Variants in C17orf67 observed in about 807,000 individuals in gnomAD.
C17orf67 encodes uncharacterized protein C17orf67.
Under a neutral mutation model 11.2 loss-of-function variants are expected in C17orf67, and 12 were observed. That is an observed-to-expected ratio of 1.07 (90% confidence interval 0.68 to 1.73). C17orf67 has a LOEUF of 1.73. C17orf67 is among the 40% of genes most tolerant of loss of function. The pLI, the probability that C17orf67 is intolerant of heterozygous loss-of-function variation, is 0.00. For synonymous variants in C17orf67, 59 were observed against 46.9 expected (o/e 1.26, Z -1.05); for missense variants, 115 against 113.5 (o/e 1.01, Z -0.06).
intron 6 of C17orf67, among the ~76,000 whole-genome samples, chr17:56,803,567 G>A (rs1247523233): frequency 6.6e-6 from 1 of 152,208 alleles, no homozygotes; most frequent in Non-Finnish European, 1.5e-5. Context: ...TTGGCACACA[G>A]TAGGACCACA....
In C17orf67 at chr17:56,833,231, GTTC is replaced by G. The variant is rs1906291450; in HGVS notation, c.-893_-891del. On this transcript the variant is annotated 5_prime_UTR_variant, in exon 2 of 8. Coordinates refer to ENST00000397861, the MANE Select transcript of C17orf67 (RefSeq NM_001085430.4). ...TGAGCAGCGGTGCTTCCGCGTCCGC[GTTC>G]TCCGGGTAGCTGATGTGCTGCAGGC... 2.0e-5 allele frequency: 3 copies of G among 153,764 alleles called. No individual in the cohort carries two copies. In the Admixed American group the frequency reaches 2.0e-4, roughly 10 times the overall value. 9.5% of individuals were successfully genotyped at this position (153,764 alleles called of 1,614,324 possible).
At chr17:56,811,121 T>C (rs1905613932) in intron 6 of C17orf67, among the ~76,000 whole-genome samples, 1 of 152,174 alleles carries the variant, frequency 6.6e-6, no homozygotes, top group African/African-American at 2.4e-5. Flanking sequence ...CTGGCTCTTC[T>C]GTCACATTGC....
intron 6 of C17orf67, among the ~76,000 whole-genome samples, chr17:56,798,430 C>A (rs1317860951): frequency 6.6e-6 from 1 of 152,174 alleles, no homozygotes; most frequent in Non-Finnish European, 1.5e-5. Context: ...CCACTACCAA[C>A]ATCCCCCACC....
chr17:56,815,687 T>C, intron 5 of C17orf67, 69 bp downstream of exon 5: 2 of 1,316,442 alleles, frequency 1.5e-6, no homozygotes, highest in Non-Finnish European at 2.0e-6. Context: ...ATTAAAAAAT[T>C]AAATATCAAA....
chr17:56,827,069 T>C (rs1427857287), intron 2 of C17orf67, among the ~76,000 whole-genome samples: 1 of 152,254 alleles, frequency 6.6e-6, no homozygotes, highest in Non-Finnish European at 1.5e-5. Context: ...AGGTTATCAT[T>C]TATCAATTTT....
At chr17:56,805,945 A>G (rs1489624968) in intron 6 of C17orf67, among the ~76,000 whole-genome samples, 2 of 150,346 alleles carry the variant, frequency 1.3e-5, no homozygotes, top group Non-Finnish European at 1.5e-5. Context: ...CTTTGGGGAG[A>G]AGGGACAGGA....
Position 56,801,965 on chromosome 17 carries a change from G to C in C17orf67, c.157-6785C>G, listed in dbSNP as rs1375333334. Among the ~76,000 whole-genome samples, 6 of 152,246 alleles carry C rather than the reference G, an allele frequency of 3.9e-5. No homozygotes were observed. In the East Asian group the frequency reaches 1.2e-3, roughly 29 times the overall value. On this transcript the variant is annotated intron_variant, in intron 6 of 7. Coordinates refer to ENST00000397861, the MANE Select transcript of C17orf67 (RefSeq NM_001085430.4). ...AGAGTCTGAGTCTCCTTCAAACCTG[G>C]ACCCTGTCATTATTGCTTTACCTCT... is the stretch of plus-strand genomic sequence containing the variant.
intron 6 of C17orf67, among the ~76,000 whole-genome samples, chr17:56,797,115 T>C (rs1905228568): frequency 6.6e-6 from 1 of 152,154 alleles, no homozygotes; most frequent in Admixed American, 6.5e-5. Context: ...CCTTTGTTAA[T>C]CTCTATGCTT....
At chr17:56,805,814 T>TTA (rs940672336) in intron 6 of C17orf67, among the ~76,000 whole-genome samples, 3 of 152,000 alleles carry the variant, frequency 2.0e-5, no homozygotes, top group African/African-American at 7.2e-5. Flanking sequence ...TACAAATAGA[T>TTA]TATAATAATA....
intron 6 of C17orf67, among the ~76,000 whole-genome samples, chr17:56,806,638 C>G (rs934430100): frequency 5.3e-5 from 8 of 152,196 alleles, no homozygotes; most frequent in Non-Finnish European, 1.2e-4. Context: ...GATCTCCCAC[C>G]TCAGCCTCTC....
intron 2 of C17orf67, among the ~76,000 whole-genome samples, 158 bp downstream of exon 2, chr17:56,832,740 T>A (rs1024907224): frequency 1.3e-5 from 2 of 152,220 alleles, no homozygotes; most frequent in Non-Finnish European, 2.9e-5. Context: ...TTCAGTTCCG[T>A]TCACGAGGTA....
In C17orf67 at chr17:56,824,865, A is replaced by T. The variant is rs1006281966; in HGVS notation, c.-315-12T>A. On this transcript the variant is annotated splice_polypyrimidine_tract_variant and intron_variant, in intron 3 of 7. Transcript: ENST00000397861. ...ATACCCTTAGGCATCTATAAAGAAA[A>T]GCAAAGAAATGAAGGCCACAAAAGT... is the stretch of plus-strand genomic sequence containing the variant. 2 of 152,252 alleles carry T rather than the reference A, an allele frequency of 1.3e-5. No individual in the cohort carries two copies. The highest frequency in any genetic ancestry group is 2.9e-5 in the Non-Finnish European group (2 of 68,048). The allele number at this position is 152,252 out of a possible 1,614,324, so 9.4% of individuals were successfully genotyped here.
intron 6 of C17orf67, among the ~76,000 whole-genome samples, chr17:56,806,895 T>C (rs775771865): frequency 4.6e-5 from 7 of 152,170 alleles, no homozygotes; most frequent in South Asian, 2.1e-4. Context: ...GGGCGAGAAG[T>C]AGTCAGGTTC....
At chr17:56,812,872 T>C (rs541078617) in intron 6 of C17orf67, among the ~76,000 whole-genome samples, 1 of 151,984 alleles carries the variant, frequency 6.6e-6, no homozygotes, top group Admixed American at 6.6e-5. Context: ...CAAAACAGGG[T>C]TTTAGGGCCA....
chr17:56,818,731 T>C (rs1212516593), intron 4 of C17orf67, among the ~76,000 whole-genome samples: 1 of 152,216 alleles, frequency 6.6e-6, no homozygotes, highest in South Asian at 2.1e-4. Flanking sequence ...ATAATCAATA[T>C]AAACAAGTTG....
chr17:56,793,406 G>T (rs933989951), intron 7 of C17orf67, among the ~76,000 whole-genome samples: 12 of 152,096 alleles, frequency 7.9e-5, no homozygotes, highest in African/African-American at 2.9e-4. Flanking sequence ...CCCTGTGTTT[G>T]CAGGAGCTAG....
At chr17:56,816,565 T>C (rs1285417504) in intron 4 of C17orf67, among the ~76,000 whole-genome samples, 1 of 152,146 alleles carries the variant, frequency 6.6e-6, no homozygotes, top group Non-Finnish European at 1.5e-5. Flanking sequence ...GAAATCAAGT[T>C]CAAGTTCACA....
Position 56,800,183 on chromosome 17 carries a change from AGCCTCCC to A in C17orf67, c.157-5010_157-5004del, listed in dbSNP as rs1460244704. Among the ~76,000 whole-genome samples the A allele has an allele frequency of 3.5e-5, 5 of 141,748 alleles. No homozygotes were observed. The South Asian group carries it at 1.1e-3, about 32-fold the overall frequency. 93.0% of individuals were successfully genotyped at this position (141,748 alleles called of 152,430 possible). On this transcript the variant is annotated intron_variant, in intron 6 of 7. Transcript: ENST00000397861. ...CGGGTTCACGCCATTCTCCTGCCTT[AGCCTCCC>A]GAGTAGCTGGAACTACAGGCACCCA...
chr17:56,827,009 T>C (rs554504185), intron 2 of C17orf67, among the ~76,000 whole-genome samples: 2 of 152,366 alleles, frequency 1.3e-5, no homozygotes, highest in African/African-American at 4.8e-5. Context: ...GCTTGGCACA[T>C]AGTTAAGTGC....
Sources: allele counts gnomAD v4.1 joint callset (sites outside exome capture counted in the v4.1 genomes callset), GRCh38; gene constraint gnomAD v4.1.1; transcripts MANE v1.5; gene names NCBI Gene and HGNC (gene_info 2026-07-23, HGNC 2026-07-21).